Variants in PCDHGB3 observed in about 807,000 individuals in gnomAD.
PCDHGB3 encodes protocadherin gamma subfamily B, 3.
PCDHGB3 carries 40 observed loss-of-function variants against 59.2 expected under a neutral mutation model. The ratio of observed to expected loss-of-function variants is 0.68; its 90% CI spans 0.52 to 0.88. The LOEUF is 0.88. PCDHGB3 is among the 40% of genes least tolerant of loss of function. The probability of loss-of-function intolerance (pLI) is 0.00; values close to 1 mark genes in which losing one functional copy is unlikely to be tolerated. For synonymous variants in PCDHGB3, 581 were observed against 503.6 expected, an observed-to-expected ratio of 1.15 and a Z score of -2.06; for missense variants, 1,309 against 1,187.9, an observed-to-expected ratio of 1.10 and a Z score of -1.50.
At chr5:141,374,951 C>T (rs780549456) in intron 1 of PCDHGB3, 2 of 1,614,018 alleles carry the variant, frequency 1.2e-6, no homozygotes, top group Non-Finnish European at 1.7e-6. Context: ...AAAGATCTCA[C>T]AAATTTTCTG....
At chr5:141,394,300 T>G (rs753637808) in intron 1 of PCDHGB3, 2 of 1,613,820 alleles carry the variant, frequency 1.2e-6, no homozygotes, top group African/African-American at 2.7e-5. Context: ...GAGGACACGC[T>G]GCAGGGGGCG....
rs1167955962 is a variant in PCDHGB3, at chr5:141,477,078, A to G, written c.2416-17729A>G. ...GAGGACACCAAACTCCATGAGATTT[A>G]CATCCAGGCCAAAGACAAGGGCGCC... On this transcript the variant is annotated intron_variant, in intron 1 of 3. Transcript: ENST00000576222. This position sits in a 1 kb window ranked among gnomAD's most constrained non-coding sequence, Gnocchi z 4.9. The G allele has an allele frequency of 6.8e-6, 11 of 1,614,262 alleles. No individual in the cohort carries two copies. In the South Asian group the frequency reaches 1.2e-4, roughly 18 times the overall value.
intron 1 of PCDHGB3, chr5:141,388,395 C>A (rs1445370262): frequency 2.5e-6 from 4 of 1,613,810 alleles, no homozygotes; most frequent in African/African-American, 2.7e-5. Flanking sequence ...GCAGAATTAC[C>A]AACTCAGTCC....
chr5:141,492,224 T>C (rs2099738444), intron 1 of PCDHGB3, among the ~76,000 whole-genome samples: 1 of 152,134 alleles, frequency 6.6e-6, no homozygotes, highest in South Asian at 2.1e-4. Flanking sequence ...CTCATGCGTG[T>C]CCTCCCTGCT....
At chr5:141,409,712 T>C (rs1049603081) in intron 1 of PCDHGB3, 5 of 1,613,122 alleles carry the variant, frequency 3.1e-6, no homozygotes, top group Non-Finnish European at 4.2e-6. Flanking sequence ...GGTGTCGTCA[T>C]ACGTGTCAGT....
chr5:141,491,434 A>G lies in PCDHGB3; in HGVS notation c.2416-3373A>G, dbSNP rs1362196179. The G allele has an allele frequency of 6.2e-7, 1 of 1,614,032 alleles. No individual in the cohort carries two copies. ...GGACGGGGGTGGAGGGCAGTGCTGC[A>G]GGCGCCAGGACTCACCCTCCCCGGA... On this transcript the variant is annotated intron_variant, in intron 1 of 3. Coordinates refer to ENST00000576222, the MANE Select transcript of PCDHGB3 (RefSeq NM_018924.5). The surrounding 1 kb of genome is among the most constrained non-coding windows in gnomAD (Gnocchi z 6.9).
chr5:141,423,875 A>G (rs1354115544), intron 1 of PCDHGB3: 8 of 1,282,448 alleles, frequency 6.2e-6, no homozygotes, highest in African/African-American at 3.1e-5. Context: ...TCATTTTTCA[A>G]TCTTGGCATA....
rs532318617 is a variant in PCDHGB3, at chr5:141,384,539, C to T, written c.2415+11730C>T. On this transcript the variant is annotated intron_variant, in intron 1 of 3. Coordinates refer to ENST00000576222, the MANE Select transcript of PCDHGB3 (RefSeq NM_018924.5). ...GACCCGCCTCTCAGCAGCAACATGT[C>T]ACTGAGCCTGTTCGTGCTGGACCAG... 44 of 1,614,240 alleles carry T rather than the reference C, an allele frequency of 2.7e-5. No homozygotes were observed. The South Asian group carries it at 4.1e-4, about 15-fold the overall frequency.
intron 1 of PCDHGB3, chr5:141,397,922 G>A: frequency 1.4e-6 from 1 of 731,582 alleles, no homozygotes; most frequent in Non-Finnish European, 2.2e-6. Flanking sequence ...AGATCTCCTC[G>A]CGCAGCCGCA....
At chr5:141,478,236 T>C (rs2099440813) in intron 1 of PCDHGB3, 3 of 1,614,156 alleles carry the variant, frequency 1.9e-6, no homozygotes, top group Non-Finnish European at 2.5e-6. Flanking sequence ...GGGTTTGTGG[T>C]CACAGTGTTC....
At position 141,397,489 on chromosome 5, in the gene PCDHGB3, A is replaced by G. The variant is rs568778994; in HGVS notation, c.2415+24680A>G. 3.3e-5 allele frequency among the ~76,000 whole-genome samples: 5 copies of G among 152,372 alleles called. No homozygotes were observed. In the East Asian group the frequency reaches 9.6e-4, roughly 29 times the overall value. ...GGAGTTGGAAATCATAGAAATGAAC[A>G]GAAGAATGATAAAATTGTTTCCATA... On this transcript the variant is annotated intron_variant, in intron 1 of 3. Coordinates refer to ENST00000576222, the MANE Select transcript of PCDHGB3 (RefSeq NM_018924.5).
chr5:141,415,584 T>C lies in PCDHGB3; in HGVS notation c.2415+42775T>C, dbSNP rs763238799. 7.4e-6 allele frequency: 12 copies of C among 1,614,012 alleles called. No individual in the cohort carries two copies. In the South Asian group the frequency reaches 1.3e-4, roughly 18 times the overall value. ...TGTCTTTGTTAGATGATTCGAAGTT[T>C]CCTATAGAGGATACCCCATTGGTTC... On this transcript the variant is annotated intron_variant, in intron 1 of 3. Coordinates refer to ENST00000576222, the MANE Select transcript of PCDHGB3 (RefSeq NM_018924.5).
rs759346998 is a variant in PCDHGB3 at position 141,410,849 on chromosome 5, C to CTTTTTTTTTTTTT, written c.2415+38050_2415+38062dup. 1.9e-3 allele frequency: 267 copies of CTTTTTTTTTTTTT among 138,158 alleles called. 27 individuals carry two copies. The highest frequency in any genetic ancestry group is 5.5e-3 in the African/African-American group (91 of 16,622). 8.6% of individuals were successfully genotyped at this position (138,158 alleles called of 1,614,324 possible). A position where few individuals can be genotyped will look rare whatever the true frequency, so the allele number is the denominator to read the frequency against. ...CAGACTGAAGATATTTTGTCTTTGT[C>CTTTTTTTTTTTTT]TTTTTTTTTTTTTTTTTTTTTTGAG... On this transcript the variant is annotated intron_variant, in intron 1 of 3. Coordinates refer to ENST00000576222, the MANE Select transcript of PCDHGB3 (RefSeq NM_018924.5).
chr5:141,398,356 G>C (rs1242233046), intron 1 of PCDHGB3: 7 of 1,409,380 alleles, frequency 5.0e-6, no homozygotes, highest in East Asian at 2.4e-5. Context: ...TTACTTCACC[G>C]TGAGCGCAGA....
chr5:141,479,000 T>C (rs2099485433), intron 1 of PCDHGB3, among the ~76,000 whole-genome samples: 1 of 152,244 alleles, frequency 6.6e-6, no homozygotes, highest in Non-Finnish European at 1.5e-5. Flanking sequence ...TTAAAACTAA[T>C]AGCTTTTTGA....
chr5:141,389,590 G>T (rs1409328445), intron 1 of PCDHGB3: 1 of 1,613,014 alleles, frequency 6.2e-7, no homozygotes, highest in Non-Finnish European at 8.5e-7. Context: ...GGTCCCGACG[G>T]CTCTGCGCTC....
chr5:141,385,108 A>G, intron 1 of PCDHGB3: 3 of 1,614,126 alleles, frequency 1.9e-6, no homozygotes. Context: ...GAACGTGCCC[A>G]CCTCGCACTT....
intron 1 of PCDHGB3, among the ~76,000 whole-genome samples, chr5:141,445,740 A>T (rs993128906): frequency 2.6e-5 from 4 of 152,226 alleles, no homozygotes; most frequent in Admixed American, 1.3e-4. Flanking sequence ...AGATCTTTTT[A>T]AAAAATAAAA....
chr5:141,421,468 C>A (rs759548375), intron 1 of PCDHGB3: 9 of 1,614,096 alleles, frequency 5.6e-6, no homozygotes, highest in Non-Finnish European at 5.9e-6. Flanking sequence ...TGTGAATCCG[C>A]GAAGCGGCAG....
Sources: allele counts gnomAD v4.1 joint callset (sites outside exome capture counted in the v4.1 genomes callset), GRCh38; gene constraint gnomAD v4.1.1; non-coding constraint Gnocchi (gnomAD v3.1); transcripts MANE v1.5; gene names NCBI Gene and HGNC (gene_info 2026-07-23, HGNC 2026-07-21).